CHKA: variants seen among roughly 807,000 people sequenced by gnomAD.
The protein encoded by CHKA is CHETK-alpha.
A neutral mutation model predicts 60.1 loss-of-function variants in CHKA; 34 were observed. The observed-to-expected ratio is 0.57, with a 90% CI of 0.43 to 0.75. The LOEUF is 0.75. Ranked by LOEUF, CHKA falls within the 30% of genes least tolerant of loss-of-function variation. CHKA has a pLI of 0.00. For missense variants in CHKA, 563 were observed against 561.3 expected (o/e 1.00, Z -0.03); for synonymous variants, 217 against 223.1 (o/e 0.97, Z 0.24).
chr11:68,102,292 C>T (rs1415752241), intron 1 of CHKA, among the ~76,000 whole-genome samples: 1 of 152,128 alleles, frequency 6.6e-6, no homozygotes. Flanking sequence ...AGGAATCACA[C>T]TACCTAACTT....
intron 2 of CHKA, among the ~76,000 whole-genome samples, chr11:68,095,958 T>C (rs535868983): frequency 6.6e-6 from 1 of 151,542 alleles, no homozygotes; most frequent in African/African-American, 2.4e-5. Context: ...GAGAATGGCT[T>C]GAACCCGGGA....
In CHKA at chr11:68,097,635, CA is replaced by C. The variant is rs386374052; in HGVS notation, c.351-506del. ...TGGGCGACAGAGCAAGACTCCGTCT[CA>C]AAAAAAAAAAAAAAAAAATCTTGAG... On this transcript the variant is annotated intron_variant, in intron 1 of 11. Coordinates refer to ENST00000265689, the MANE Select transcript of CHKA (RefSeq NM_001277.3). Among the ~76,000 whole-genome samples the C allele has an allele frequency of 1.5e-3, 165 of 111,816 alleles. 1 individual carries two copies. The highest frequency in any genetic ancestry group is 4.4e-3 in the East Asian group (17 of 3,826). The allele number at this position is 111,816 out of a possible 152,430, so 73.4% of individuals were successfully genotyped here.
intron 10 of CHKA, among the ~76,000 whole-genome samples, chr11:68,062,418 T>C (rs1856283591): frequency 6.6e-6 from 1 of 152,206 alleles, no homozygotes; most frequent in Non-Finnish European, 1.5e-5. Flanking sequence ...GTGCACACCA[T>C]AGCAACCAAG....
chr11:68,069,639 G>A (rs911299986), intron 6 of CHKA, among the ~76,000 whole-genome samples: 4 of 150,488 alleles, frequency 2.7e-5, no homozygotes, highest in Non-Finnish European at 5.9e-5. Flanking sequence ...AGTCAAGATC[G>A]CGCCACTGCA....
chr11:68,070,171 A>G lies in CHKA; in HGVS notation c.869+18T>C, dbSNP rs1478509811. The G allele has an allele frequency of 6.4e-7, 1 of 1,550,794 alleles. No homozygotes were observed. Among genetic ancestry groups the G allele is most frequent in the East Asian group, 2.2e-5 (1 of 44,552 alleles). On this transcript the variant is annotated intron_variant, in intron 6 of 11. Coordinates refer to ENST00000265689, the MANE Select transcript of CHKA (RefSeq NM_001277.3). The stretch of plus-strand genomic sequence containing the variant: ...TGACTAAGAATATTTAAAGTCAGGA[A>G]ATAGAAGGAAAACTCACCTCAGGTT...
intron 11 of CHKA, among the ~76,000 whole-genome samples, chr11:68,059,337 C>T (rs896928149): frequency 6.6e-6 from 1 of 152,146 alleles, no homozygotes; most frequent in African/African-American, 2.4e-5. Context: ...GGTTTTTCAC[C>T]TTCATTCTGT....
chr11:68,056,035 C>T (rs184911829), intron 11 of CHKA, among the ~76,000 whole-genome samples: 2 of 152,054 alleles, frequency 1.3e-5, no homozygotes, highest in East Asian at 1.9e-4. Context: ...GCAACAAGAG[C>T]GAAACTCCAT....
intron 1 of CHKA, among the ~76,000 whole-genome samples, chr11:68,105,169 T>C (rs867513004): frequency 6.6e-5 from 10 of 151,584 alleles, no homozygotes; most frequent in Non-Finnish European, 1.5e-4. Context: ...GAAAAACCCA[T>C]GCTACATGCT....
At chr11:68,096,397 C>T (rs1857517142) in intron 2 of CHKA, among the ~76,000 whole-genome samples, 1 of 151,932 alleles carries the variant, frequency 6.6e-6, no homozygotes, top group African/African-American at 2.4e-5. Context: ...TTCTACCGTG[C>T]TCAATGAAAT....
intron 1 of CHKA, among the ~76,000 whole-genome samples, chr11:68,103,016 A>T (rs1449368394): frequency 6.6e-6 from 1 of 151,730 alleles, no homozygotes; most frequent in Non-Finnish European, 1.5e-5. Context: ...GCGTGTGCCT[A>T]TATTCCCAGC....
chr11:68,058,843 G>GGTT (rs1326571721), intron 11 of CHKA, among the ~76,000 whole-genome samples: 1 of 152,160 alleles, frequency 6.6e-6, no homozygotes, highest in African/African-American at 2.4e-5. Flanking sequence ...CTTGGGGTGG[G>GGTT]GGTCAAAGGG....
At chr11:68,069,424 C>T (rs562242887) in intron 6 of CHKA, among the ~76,000 whole-genome samples, 2 of 152,012 alleles carry the variant, frequency 1.3e-5, no homozygotes, top group South Asian at 2.1e-4. Context: ...TGGTGGCTCG[C>T]GCCTGTAATC....
intron 10 of CHKA, 96 bp from the exon 11 acceptor site, chr11:68,062,130 G>A (rs1323156338): frequency 2.3e-6 from 2 of 876,906 alleles, no homozygotes; most frequent in South Asian, 1.5e-5. Flanking sequence ...TTTAACTTGT[G>A]TGGATGCAAA....
Position 68,070,843 on chromosome 11 carries a change from A to G in CHKA, c.645T>C (p.Asp215=), listed in dbSNP as rs1411436472. 1 of 1,611,098 alleles carries G rather than the reference A, an allele frequency of 6.2e-7. No individual in the cohort carries two copies. The highest frequency in any genetic ancestry group is 1.3e-5 in the African/African-American group (1 of 74,904). The change falls in exon 5 of 12, where the codon GAT becomes GAC. Residue 215 remains aspartate (D), a synonymous_variant. Coordinates refer to ENST00000265689, the MANE Select transcript of CHKA (RefSeq NM_001277.3). ...LEQFIPSRRL[D]TEELSLPDIS... ...TATCTGGCAAACTTAATTCTTCAGT[A>G]TCTAATCGCCGGCTCTGAAAAAGAA...
intron 3 of CHKA, among the ~76,000 whole-genome samples, chr11:68,077,363 C>G (rs1856827031): frequency 6.6e-6 from 1 of 152,146 alleles, no homozygotes; most frequent in Non-Finnish European, 1.5e-5. Flanking sequence ...CACTATGTCT[C>G]CAGGCACCTT....
chr11:68,068,070 T>G (rs765361366), intron 7 of CHKA, among the ~76,000 whole-genome samples: 1 of 152,150 alleles, frequency 6.6e-6, no homozygotes, highest in Admixed American at 6.5e-5. Context: ...TGCAATTGCA[T>G]GGGATGAAGT....
chr11:68,082,547 A>G (rs1857019581), intron 2 of CHKA: 2 of 152,618 alleles, frequency 1.3e-5, no homozygotes, highest in African/African-American at 4.8e-5. Flanking sequence ...AAGTGTGGAC[A>G]GGAAAAAAAA....
intron 2 of CHKA, among the ~76,000 whole-genome samples, chr11:68,095,708 C>CA (rs55959031): frequency 0.024 from 311 of 13,118 alleles, 34 homozygotes; most frequent in African/African-American, 0.077. Context: ...GACTCCGTCG[C>CA]AAAAAAAAAA....
intron 10 of CHKA, among the ~76,000 whole-genome samples, chr11:68,063,365 T>TA (rs1856318859): frequency 6.6e-6 from 1 of 151,692 alleles, no homozygotes; most frequent in African/African-American, 2.4e-5. Flanking sequence ...CCAGGCATGG[T>TA]GGTACGTGCC....
Sources: gnomAD v4.1 joint callset for allele counts (sites outside exome capture counted in the v4.1 genomes callset) on GRCh38, gnomAD v4.1.1 for gene constraint, MANE v1.5 for transcripts, NCBI Gene and HGNC (gene_info 2026-07-23, HGNC 2026-07-21) for gene names.